Variants in AGBL1 observed in about 807,000 individuals in gnomAD.
The protein encoded by AGBL1 is cytosolic carboxypeptidase 4.
Under a neutral mutation model 118.9 loss-of-function variants are expected in AGBL1, and 130 were observed. That is an observed-to-expected ratio of 1.09 (90% CI 0.95 to 1.26). The LOEUF (loss-of-function observed/expected upper bound fraction) is 1.26, where lower values mean the gene tolerates loss of function less well. AGBL1 is among the 50% of genes most tolerant of loss of function. The pLI is 0.00. For synonymous variants in AGBL1, 555 were observed against 478.9 expected (o/e 1.16, Z -2.08); for missense variants, 1,584 against 1,298.1 (o/e 1.22, Z -3.38).
At chr15:86,463,225 A>C (rs1162221490) in intron 18 of AGBL1, among the ~76,000 whole-genome samples, 1 of 151,160 alleles carries the variant, frequency 6.6e-6, no homozygotes, top group East Asian at 1.9e-4. Flanking sequence ...TTTTTGCTGC[A>C]TAAATGTCTT....
intron 23 of AGBL1, chr15:86,987,947 T>A (rs930055826): frequency 2.5e-6 from 4 of 1,593,566 alleles, no homozygotes; most frequent in Admixed American, 3.5e-5. Flanking sequence ...TATGGTTTAT[T>A]TTCACCAATC....
At chr15:86,519,498 T>A (rs1050822669) in intron 18 of AGBL1, among the ~76,000 whole-genome samples, 1 of 152,212 alleles carries the variant, frequency 6.6e-6, no homozygotes, top group Admixed American at 6.5e-5. Flanking sequence ...ACTGCATGAA[T>A]CTCTGATATT....
At chr15:86,271,798 A>G in intron 15 of AGBL1, 92 bp downstream of exon 15, 1 of 1,231,144 alleles carries the variant, frequency 8.1e-7, no homozygotes. Flanking sequence ...AACATCAGCA[A>G]TCTGTGCTTG....
intron 16 of AGBL1, among the ~76,000 whole-genome samples, chr15:86,288,159 C>T (rs1215742402): frequency 6.6e-6 from 1 of 152,064 alleles, no homozygotes; most frequent in Non-Finnish European, 1.5e-5. Context: ...TACATTTAGT[C>T]TAGATTTTGA....
At chr15:86,822,671 CAT>C (rs2078957668) in intron 22 of AGBL1, among the ~76,000 whole-genome samples, 1 of 152,120 alleles carries the variant, frequency 6.6e-6, no homozygotes, top group South Asian at 2.1e-4. Flanking sequence ...AAGAGGCTGA[CAT>C]ATGCAGTTTT....
chr15:86,894,523 G>T (rs952433639), intron 22 of AGBL1, among the ~76,000 whole-genome samples: 1 of 152,158 alleles, frequency 6.6e-6, no homozygotes, highest in Admixed American at 6.6e-5. Context: ...CCTGGACACG[G>T]GCTGTGTTGC....
At chr15:86,137,132 C>A (rs2076899713) in intron 1 of AGBL1, among the ~76,000 whole-genome samples, 1 of 152,142 alleles carries the variant, frequency 6.6e-6, no homozygotes, top group African/African-American at 2.4e-5. Flanking sequence ...TGTAGCAGTA[C>A]ATAAATTAAT....
At chr15:86,246,500 T>G (rs1047640015) in intron 6 of AGBL1, among the ~76,000 whole-genome samples, 5 of 152,222 alleles carry the variant, frequency 3.3e-5, no homozygotes, top group African/African-American at 1.2e-4. Flanking sequence ...AAAACGCACA[T>G]GAAGAGCAGG....
intron 1 of AGBL1, among the ~76,000 whole-genome samples, chr15:86,100,532 A>G (rs573296332): frequency 1.8e-4 from 27 of 151,958 alleles, no homozygotes; most frequent in Admixed American, 7.2e-4. Flanking sequence ...TACTGATTTA[A>G]TCTCATTACT....
chr15:86,823,729 G>A (rs1037054300), intron 22 of AGBL1, among the ~76,000 whole-genome samples: 1 of 152,114 alleles, frequency 6.6e-6, no homozygotes, highest in Admixed American at 6.6e-5. Flanking sequence ...TAACATAGGA[G>A]AAATCACCTG....
chr15:86,322,848 G>C (rs1567198402), intron 17 of AGBL1, among the ~76,000 whole-genome samples: 1 of 152,172 alleles, frequency 6.6e-6, no homozygotes, highest in South Asian at 2.1e-4. Context: ...CTGGAGCCAA[G>C]TGCAGTAATT....
At chr15:86,565,564 G>C (rs1281568107) in intron 21 of AGBL1, among the ~76,000 whole-genome samples, 1 of 152,212 alleles carries the variant, frequency 6.6e-6, no homozygotes. Flanking sequence ...TCCCAGTTAG[G>C]CTACTCAGGG....
chr15:86,231,676 A>G (rs2078457290), intron 6 of AGBL1, among the ~76,000 whole-genome samples: 2 of 152,194 alleles, frequency 1.3e-5, no homozygotes, highest in Non-Finnish European at 2.9e-5. Context: ...TCCCCATTTT[A>G]CAGATGTAGG....
chr15:86,211,468 C>A (rs2078096929), intron 5 of AGBL1, among the ~76,000 whole-genome samples: 1 of 152,234 alleles, frequency 6.6e-6, no homozygotes, highest in African/African-American at 2.4e-5. Flanking sequence ...AGGCAGCAGG[C>A]CTTGCAGCGC....
intron 5 of AGBL1, among the ~76,000 whole-genome samples, chr15:86,160,909 T>C (rs2077259061): frequency 1.3e-5 from 2 of 152,194 alleles, no homozygotes; most frequent in African/African-American, 4.8e-5. Context: ...ACATAGCTTT[T>C]ATTGTCTTCC....
At chr15:86,934,573 A>C (rs1218562469) in intron 23 of AGBL1, among the ~76,000 whole-genome samples, 1 of 152,194 alleles carries the variant, frequency 6.6e-6, no homozygotes, top group South Asian at 2.1e-4. Flanking sequence ...ACTGTCTCCC[A>C]AAGTTCTTGG....
chr15:86,945,713 G>C (rs1329486581), intron 23 of AGBL1, among the ~76,000 whole-genome samples: 1 of 152,070 alleles, frequency 6.6e-6, no homozygotes, highest in African/African-American at 2.4e-5. Context: ...TATTAAAATT[G>C]GTTGACTCAT....
intron 22 of AGBL1, among the ~76,000 whole-genome samples, chr15:86,754,512 T>A (rs893918266): frequency 2.6e-5 from 4 of 151,998 alleles, no homozygotes; most frequent in Non-Finnish European, 5.9e-5. Flanking sequence ...AAGAAGAGAG[T>A]ACACATGTCA....
At chr15:86,603,297 T>A (rs1223132486) in intron 21 of AGBL1, among the ~76,000 whole-genome samples, 1 of 152,194 alleles carries the variant, frequency 6.6e-6, no homozygotes, top group Non-Finnish European at 1.5e-5. Context: ...GGACCCAGTA[T>A]CTGATGCATG....
Sources: gnomAD v4.1 joint callset for allele counts (sites outside exome capture counted in the v4.1 genomes callset) on GRCh38, gnomAD v4.1.1 for gene constraint, MANE v1.5 for transcripts, NCBI Gene and HGNC (gene_info 2026-07-23, HGNC 2026-07-21) for gene names.